CD244: variants seen among roughly 807,000 people sequenced by gnomAD.
CD244 encodes the protein CD244 molecule, also known as natural killer cell receptor 2B4.
A neutral mutation model predicts 45.5 loss-of-function variants in CD244; 20 were observed. The observed-to-expected ratio is 0.44, with a 90% CI of 0.31 to 0.64. CD244 has a LOEUF of 0.64. Among genes scored for constraint, CD244 ranks in the 30% least tolerant of loss-of-function variants. The pLI is 0.08. For missense variants in CD244, 407 were observed against 426.9 expected (o/e 0.95, Z 0.41); for synonymous variants, 185 against 160.5 (o/e 1.15, Z -1.15).
intron 1 of CD244, among the ~76,000 whole-genome samples, chr1:160,849,944 G>A (rs914048875): frequency 2.6e-5 from 4 of 152,016 alleles, no homozygotes; most frequent in Admixed American, 6.5e-5. Context: ...CCCGGGAAGC[G>A]GAGGCTGCAG....
intron 1 of CD244, among the ~76,000 whole-genome samples, chr1:160,861,970 A>T (rs957453301): frequency 6.6e-6 from 1 of 152,250 alleles, no homozygotes; most frequent in African/African-American, 2.4e-5. Flanking sequence ...CTCAGCTGGG[A>T]TCCCCAGGAG....
intron 1 of CD244, among the ~76,000 whole-genome samples, chr1:160,856,988 A>G (rs997727874): frequency 2.6e-5 from 4 of 152,250 alleles, no homozygotes; most frequent in African/African-American, 9.6e-5. Flanking sequence ...TGAACAACCC[A>G]AGCAAGGGCT....
At chr1:160,851,268 G>C (rs1219319159) in intron 1 of CD244, among the ~76,000 whole-genome samples, 1 of 152,140 alleles carries the variant, frequency 6.6e-6, no homozygotes, top group Non-Finnish European at 1.5e-5. Context: ...ACCCTGCCTT[G>C]GTCTTTCTGG....
In CD244 at chr1:160,838,713, A is replaced by C. The variant is rs373549716; in HGVS notation, c.767-195T>G. The stretch of plus-strand genomic sequence containing the variant: ...AACTGCCCCTCCCACACCTCCTCCC[A>C]AACCAGCTGTCTACAGGGAAATCTG... On this transcript the variant is annotated intron_variant, in intron 4 of 8. Coordinates refer to ENST00000368034, the MANE Select transcript of CD244 (RefSeq NM_016382.4). 5.9e-4 allele frequency: 368 copies of C among 618,512 alleles called. 3 individuals carry two copies. The South Asian group carries it at 7.1e-3, about 12-fold the overall frequency. The allele number at this position is 618,512 out of a possible 1,614,324, so 38.3% of individuals were successfully genotyped here.
At chr1:160,854,802 T>A (rs1176627377) in intron 1 of CD244, among the ~76,000 whole-genome samples, 5 of 152,214 alleles carry the variant, frequency 3.3e-5, no homozygotes, top group Non-Finnish European at 7.3e-5. Flanking sequence ...AATATTATAT[T>A]AGTTTATACA....
intron 7 of CD244, among the ~76,000 whole-genome samples, chr1:160,832,887 T>TATATAC (rs1157419927): frequency 8.4e-5 from 12 of 143,110 alleles, no homozygotes; most frequent in African/African-American, 3.3e-4. Flanking sequence ...TATATATATA[T>TATATAC]ACACACACAC....
chr1:160,838,650 C>G (rs1299000340), intron 4 of CD244, 132 bp from the exon 5 acceptor site: 1 of 714,712 alleles, frequency 1.4e-6, no homozygotes, highest in Non-Finnish European at 2.5e-6. Flanking sequence ...AGTTAATGCT[C>G]TTCCCAGGAA....
Position 160,850,508 on chromosome 1 carries a change from T to C in CD244, c.62-8607A>G, listed in dbSNP as rs74124343. The stretch of plus-strand genomic sequence containing the variant: ...ATATGAAAATGTAAAAGACATAGAA[T>C]AGCCAAGGCAATCTTGATGAAGAAC... On this transcript the variant is annotated intron_variant, in intron 1 of 8. Transcript: ENST00000368034. 4.6e-3 allele frequency among the ~76,000 whole-genome samples: 708 copies of C among 152,314 alleles called. 4 individuals are homozygous for C. The highest frequency in any genetic ancestry group is 0.016 in the African/African-American group (669 of 41,578).
rs374543049 is a variant in CD244 at position 160,862,583 on chromosome 1, C to A, written c.61+34G>T. On this transcript the variant is annotated intron_variant, in intron 1 of 8. Transcript: ENST00000368034. ...CCCTGAGGGGCACAGCTCCTAGTCCCTCCCTCGCCCCACGCCAGGTAGGAC... is the reference window on the plus strand; with the variant it reads ...CCCTGAGGGGCACAGCTCCTAGTCCATCCCTCGCCCCACGCCAGGTAGGAC... 402 of 1,602,408 alleles carry A rather than the reference C, an allele frequency of 2.5e-4. 1 individual carries two copies. The African/African-American group carries it at 4.7e-3, about 19-fold the overall frequency.
intron 8 of CD244, 90 bp from the exon 9 acceptor site, chr1:160,831,517 A>T: frequency 1.1e-6 from 1 of 929,178 alleles, no homozygotes; most frequent in South Asian, 1.4e-5. Flanking sequence ...CCCATTTTAC[A>T]GATTTAAAAA....
At chr1:160,832,980 T>G (rs1036020167) in intron 7 of CD244, among the ~76,000 whole-genome samples, 1 of 120,982 alleles carries the variant, frequency 8.3e-6, no homozygotes, top group African/African-American at 3.1e-5. Flanking sequence ...CACATACACA[T>G]ACACACATAT....
Position 160,838,933 on chromosome 1 carries a change from A to G in CD244, c.766+6T>C. On this transcript the variant is annotated splice_donor_region_variant and intron_variant, in intron 4 of 8. Coordinates refer to ENST00000368034, the MANE Select transcript of CD244 (RefSeq NM_016382.4). ...AGGAGCACCACCCTAAGGACCTTCCACTCACCTGACTGCTTCTCCTTCCTC... is the reference window on the plus strand; with the variant it reads ...AGGAGCACCACCCTAAGGACCTTCCGCTCACCTGACTGCTTCTCCTTCCTC... 1.2e-6 allele frequency: 2 copies of G among 1,603,386 alleles called. No homozygotes were observed. Among genetic ancestry groups the G allele is most frequent in the Non-Finnish European group, 1.7e-6 (2 of 1,171,248 alleles).
Position 160,834,058 on chromosome 1 carries a change from G to A in CD244, c.953C>T (p.Ser318Phe), listed in dbSNP as rs12064925. ...AYTLYSLIQP[S>F]RKSGSRKRNH... ...CCACGGGAAGAGGCTCACCTTCCTG[G>A]AAGGCTGAATTAATGAATATAATGT... The change falls in exon 7 of 9, where the codon TCC becomes TTC. Residue 318 changes from serine to phenylalanine, a missense_variant. Ser to Phe is a radical substitution (Grantham distance 155). Transcript: ENST00000368034. 1.4e-3 allele frequency: 2,199 copies of A among 1,610,522 alleles called. 27 individuals carry two copies. The African/African-American group carries it at 0.024, about 18-fold the overall frequency.
intron 1 of CD244, among the ~76,000 whole-genome samples, chr1:160,859,192 A>G (rs7419088): frequency 0.36 from 55,157 of 151,818 alleles, 13,930 homozygotes; most frequent in African/African-American, 0.72. Context: ...TGTAGCCAGC[A>G]AAGGAGCAGC....
chr1:160,841,662 C>G lies in CD244; in HGVS notation c.301G>C (p.Asp101His). Residue 101 changes from aspartate to histidine, a missense_variant, in exon 2 of 9, where the codon GAC (aspartate) becomes CAC (histidine). By Grantham distance (81) the Asp-to-His change is moderately conservative. Coordinates refer to ENST00000368034, the MANE Select transcript of CD244 (RefSeq NM_016382.4). Reference protein sequence around the residue: ...SLLIKAAQQQDSGLYCLEVTS... With the variant: ...SLLIKAAQQQHSGLYCLEVTS... ...ACCTCCAGGCAGTAGAGGCCACTGT[C>G]CTGCTGCTGAGCTGCCTTGATGAGA... 6.2e-7 allele frequency: 1 copy of G among 1,614,146 alleles called. No homozygotes were observed.
chr1:160,834,173 A>T (rs187151998), intron 6 of CD244, 57 bp from the exon 7 acceptor site: 1 of 1,269,260 alleles, frequency 7.9e-7, no homozygotes, highest in African/African-American at 1.5e-5. Context: ...CAATCTTACA[A>T]AGGTTATCTC....
chr1:160,830,589 C>T lies in CD244; in HGVS notation c.*758G>A, dbSNP rs1669076821. Reference sequence around the variant, plus strand: ...TTCTATGAAGAAGCCAAATGGATTTCTAACAATGCGTCTTCATAAATCAAA... The same window carrying T: ...TTCTATGAAGAAGCCAAATGGATTTTTAACAATGCGTCTTCATAAATCAAA... On this transcript the variant is annotated 3_prime_UTR_variant, in exon 9 of 9. Coordinates refer to ENST00000368034, the MANE Select transcript of CD244 (RefSeq NM_016382.4). 6.6e-6 allele frequency: 1 copy of T among 152,356 alleles called. No homozygotes were observed. Among genetic ancestry groups the T allele is most frequent in the Admixed American group, 6.5e-5 (1 of 15,284 alleles). 9.4% of individuals were successfully genotyped at this position (152,356 alleles called of 1,614,324 possible). A position where few individuals can be genotyped will look rare whatever the true frequency, so the allele number is the denominator to read the frequency against.
At chr1:160,841,513 G>A (rs745765975) in intron 2 of CD244, 28 bp from the exon 3 acceptor site, 1 of 1,613,354 alleles carries the variant, frequency 6.2e-7, no homozygotes, top group Non-Finnish European at 8.5e-7. Flanking sequence ...GATCAGAAAG[G>A]CATTGGAAAT....
intron 1 of CD244, among the ~76,000 whole-genome samples, chr1:160,844,838 G>T: frequency 6.6e-6 from 1 of 152,058 alleles, no homozygotes; most frequent in Admixed American, 6.5e-5. Context: ...AGCCAGACAT[G>T]GTGGCACACA....
Sources: gnomAD v4.1 joint callset for allele counts (sites outside exome capture counted in the v4.1 genomes callset) on GRCh38, gnomAD v4.1.1 for gene constraint, MANE v1.5 for transcripts, NCBI Gene and HGNC (gene_info 2026-07-23, HGNC 2026-07-21) for gene names.